The following ZC3HC1 variants were observed in gnomAD, a reference collection of about 807,000 sequenced individuals.
ZC3HC1 encodes zinc finger C3HC-type containing 1, also known as zinc finger C3HC-type protein 1.
ZC3HC1 carries 38 observed loss-of-function variants against 61.9 expected under a neutral mutation model. The observed-to-expected ratio is 0.61, with a 90% confidence interval of 0.47 to 0.81. The LOEUF is 0.81. ZC3HC1 is among the 30% of genes least tolerant of loss of function. The pLI is 0.00. For synonymous variants in ZC3HC1, 213 were observed against 229.9 expected, an observed-to-expected ratio of 0.93 and a Z score of 0.67; for missense variants, 554 against 622.7, an observed-to-expected ratio of 0.89 and a Z score of 1.17.
chr7:130,033,441 C>T (rs1242476142), intron 4 of ZC3HC1, among the ~76,000 whole-genome samples: 1 of 127,066 alleles, frequency 7.9e-6, no homozygotes, highest in Non-Finnish European at 1.6e-5. Context: ...ATTTCTATAG[C>T]ATTCTTTTTT....
intron 4 of ZC3HC1, among the ~76,000 whole-genome samples, chr7:130,032,027 C>T (rs1031760065): frequency 6.6e-6 from 1 of 152,116 alleles, no homozygotes; most frequent in Non-Finnish European, 1.5e-5. Flanking sequence ...AGTTCAAGAC[C>T]AGCCTGGCCA....
rs114765174 is a variant in ZC3HC1 at position 130,025,241 on chromosome 7, A to T, written c.777-735T>A. Among the ~76,000 whole-genome samples the T allele has an allele frequency of 6.5e-3, 978 of 151,166 alleles. 10 individuals carry two copies. Among genetic ancestry groups the T allele is most frequent in the African/African-American group, 0.023 (934 of 41,352 alleles). ...CCCTCTTAAAGTCTTTTCCCTTTAAACAAAAAACATTCCTTAATCTACCAA... is the reference window on the plus strand; with the variant it reads ...CCCTCTTAAAGTCTTTTCCCTTTAATCAAAAAACATTCCTTAATCTACCAA... On this transcript the variant is annotated intron_variant, in intron 6 of 9. Transcript: ENST00000358303.
rs146775918 is a variant in ZC3HC1, at chr7:130,041,778, C to T, written c.259-677G>A. On this transcript the variant is annotated intron_variant, in intron 2 of 9. Transcript: ENST00000358303. The stretch of plus-strand genomic sequence containing the variant: ...TTGTGACCTCGTGATCCACCCACCT[C>T]GGCCTCCCAAAGTGCTGCAATTACA... 3.1e-3 allele frequency among the ~76,000 whole-genome samples: 471 copies of T among 151,784 alleles called. 3 individuals are homozygous for T. Among genetic ancestry groups the T allele is most frequent in the African/African-American group, 0.011 (441 of 41,374 alleles).
intron 2 of ZC3HC1, chr7:130,043,917 T>C (rs1257287477): frequency 4.5e-6 from 2 of 448,670 alleles, no homozygotes; most frequent in African/African-American, 2.0e-5. Flanking sequence ...TGTTTCACAG[T>C]GTTGAATATG....
At chr7:130,028,811 A>G (rs1794045740) in intron 5 of ZC3HC1, 91 bp downstream of exon 5, 1 of 1,510,062 alleles carries the variant, frequency 6.6e-7, no homozygotes, top group Non-Finnish European at 8.9e-7. Context: ...TCTTCACAGC[A>G]ATTGCATCTT....
At chr7:130,043,894 G>A (rs1026846500) in intron 2 of ZC3HC1, 11 of 452,188 alleles carry the variant, frequency 2.4e-5, no homozygotes, top group Non-Finnish European at 3.1e-5. Context: ...AATATATTAA[G>A]GATAACAAAT....
chr7:130,036,421 G>T (rs992497772), intron 4 of ZC3HC1, among the ~76,000 whole-genome samples: 1 of 152,022 alleles, frequency 6.6e-6, no homozygotes, highest in Non-Finnish European at 1.5e-5. Context: ...AATTAGCCAG[G>T]CATGGTGGCG....
rs775512311 is a variant in ZC3HC1, at chr7:130,018,628, C to A, written c.*36G>T. The A allele has an allele frequency of 6.4e-7, 1 of 1,569,284 alleles. No individual in the cohort carries two copies. Among genetic ancestry groups the A allele is most frequent in the Non-Finnish European group, 8.7e-7 (1 of 1,146,406 alleles). On this transcript the variant is annotated 3_prime_UTR_variant, in exon 10 of 10. Transcript: ENST00000358303. ...CCTTAATTTTTCAAAAAGTCACTCT[C>A]ATTCCAGCTATCTCCAGGAAGGCGC... is the stretch of plus-strand genomic sequence containing the variant.
In ZC3HC1 at chr7:130,023,813, T is replaced by C. The variant is rs1362981818; in HGVS notation, c.1021-90A>G. On this transcript the variant is annotated intron_variant, in intron 7 of 9. Coordinates refer to ENST00000358303, the MANE Select transcript of ZC3HC1 (RefSeq NM_016478.5). The surrounding 1 kb of genome is among the most constrained non-coding windows in gnomAD (Gnocchi z 4.2). ...CTTTCTTTAATCTTTTTTCTTTTTT[T>C]TTTTGAGACAGAGTCTCGCTTTGTT... is the stretch of plus-strand genomic sequence containing the variant. 8.2e-7 allele frequency: 1 copy of C among 1,216,826 alleles called. No individual in the cohort carries two copies. Among genetic ancestry groups the C allele is most frequent in the Admixed American group, 2.8e-5 (1 of 35,918 alleles). The allele number at this position is 1,216,826 out of a possible 1,614,324, so 75.4% of individuals were successfully genotyped here.
intron 6 of ZC3HC1, 108 bp downstream of exon 6, chr7:130,026,050 T>G: frequency 1.5e-6 from 2 of 1,343,204 alleles, no homozygotes; most frequent in Non-Finnish European, 2.0e-6. Flanking sequence ...TTGTCTCTTT[T>G]TCTCACGGGA....
intron 3 of ZC3HC1, 81 bp from the exon 4 acceptor site, chr7:130,039,628 T>C (rs186997211): frequency 1.9e-5 from 18 of 946,994 alleles, no homozygotes; most frequent in Non-Finnish European, 2.7e-5. Flanking sequence ...AGAGCAGAGA[T>C]TTAACTAAAA....
chr7:130,026,392 A>G, intron 5 of ZC3HC1, 80 bp from the exon 6 acceptor site: 4 of 1,442,290 alleles, frequency 2.8e-6, no homozygotes, highest in South Asian at 1.3e-5. Context: ...CCTAGATGGT[A>G]CAAGCCGAAA....
intron 4 of ZC3HC1, 48 bp downstream of exon 4, chr7:130,039,416 G>C (rs773186462): frequency 7.0e-7 from 1 of 1,421,248 alleles, no homozygotes; most frequent in South Asian, 1.2e-5. Flanking sequence ...TATTAGAAAT[G>C]CAATGATGAA....
At chr7:130,041,278 C>T (rs1305040708) in intron 2 of ZC3HC1, among the ~76,000 whole-genome samples, 177 bp from the exon 3 acceptor site, 1 of 152,050 alleles carries the variant, frequency 6.6e-6, no homozygotes, top group Non-Finnish European at 1.5e-5. Flanking sequence ...ACCTCACCCT[C>T]TCAGGTTCAA....
At chr7:130,045,441 G>A in intron 2 of ZC3HC1, 1 of 456,900 alleles carries the variant, frequency 2.2e-6, no homozygotes, top group Non-Finnish European at 4.4e-6. Context: ...TCAGTACCAT[G>A]TTGGCCATGT....
chr7:130,023,733 AG>A lies in ZC3HC1; in HGVS notation c.1021-11del. On this transcript the variant is annotated splice_polypyrimidine_tract_variant and intron_variant, in intron 7 of 9. Coordinates refer to ENST00000358303, the MANE Select transcript of ZC3HC1 (RefSeq NM_016478.5). This position sits in a 1 kb window ranked among gnomAD's most constrained non-coding sequence, Gnocchi z 4.2. ...CAGGGCTCTTTTCAGCCTGAAGGAA[AG>A]GGGAGATAATGGAAGTACACGAATG... is the stretch of plus-strand genomic sequence containing the variant. 6.2e-7 allele frequency: 1 copy of A among 1,605,870 alleles called. No homozygotes were observed. The highest frequency in any genetic ancestry group is 1.1e-5 in the South Asian group (1 of 90,754).
At chr7:130,020,958 C>A (rs899647565) in intron 9 of ZC3HC1, among the ~76,000 whole-genome samples, 2 of 151,764 alleles carry the variant, frequency 1.3e-5, no homozygotes, top group African/African-American at 4.8e-5. Flanking sequence ...CAGGCTGGAG[C>A]GCAACCTCGG....
At chr7:130,033,798 G>C (rs1794318086) in intron 4 of ZC3HC1, among the ~76,000 whole-genome samples, 2 of 152,130 alleles carry the variant, frequency 1.3e-5, no homozygotes, top group African/African-American at 2.4e-5. Flanking sequence ...GCAACAACAG[G>C]ATATTCTGGA....
chr7:130,038,861 A>AG (rs1208147362), intron 4 of ZC3HC1, among the ~76,000 whole-genome samples: 1 of 135,728 alleles, frequency 7.4e-6, no homozygotes, highest in Non-Finnish European at 1.5e-5. Context: ...CTCTGTCTCA[A>AG]AAAAAAAAAA....
Sources: allele counts gnomAD v4.1 joint callset (sites outside exome capture counted in the v4.1 genomes callset), GRCh38; gene constraint gnomAD v4.1.1; non-coding constraint Gnocchi (gnomAD v3.1); transcripts MANE v1.5; gene names NCBI Gene and HGNC (gene_info 2026-07-23, HGNC 2026-07-21).